Variants in CACNB2 observed in about 807,000 individuals in gnomAD.
CACNB2 encodes the protein voltage-dependent L-type calcium channel subunit beta-2.
CACNB2 carries 42 observed loss-of-function variants against 73.3 expected under a neutral mutation model. That is an observed-to-expected ratio of 0.57 (90% CI 0.45 to 0.74). The LOEUF (loss-of-function observed/expected upper bound fraction) is 0.74, where lower values mean the gene tolerates loss of function less well. Among genes scored for constraint, CACNB2 ranks in the 30% least tolerant of loss-of-function variants. The pLI, the probability that CACNB2 is intolerant of heterozygous loss-of-function variation, is 0.00. For synonymous variants in CACNB2, 348 were observed against 310.3 expected, an observed-to-expected ratio of 1.12 and a Z score of -1.28; for missense variants, 940 against 853.0, an observed-to-expected ratio of 1.10 and a Z score of -1.27.
At chr10:18,430,839 A>G (rs1019131917) in intron 3 of CACNB2, among the ~76,000 whole-genome samples, 1 of 152,204 alleles carries the variant, frequency 6.6e-6, no homozygotes, top group African/African-American at 2.4e-5. Flanking sequence ...CTATTTATTC[A>G]CATGGAAACC....
At chr10:18,526,307 T>A (rs573636678) in intron 9 of CACNB2, among the ~76,000 whole-genome samples, 7 of 152,320 alleles carry the variant, frequency 4.6e-5, no homozygotes, top group African/African-American at 1.4e-4. Flanking sequence ...AGACTCAACA[T>A]TCAGAATCCT....
At chr10:18,260,920 A>G (rs933305026) in intron 2 of CACNB2, 2 of 1,159,162 alleles carry the variant, frequency 1.7e-6, no homozygotes, top group African/African-American at 3.1e-5. Flanking sequence ...AGCGTCACCA[A>G]GAAACTCTGA....
At chr10:18,356,580 A>G (rs2041916161) in intron 2 of CACNB2, among the ~76,000 whole-genome samples, 1 of 152,006 alleles carries the variant, frequency 6.6e-6, no homozygotes, top group African/African-American at 2.4e-5. Flanking sequence ...TATAAATGTA[A>G]TTATTTGACC....
At chr10:18,209,734 C>A (rs749231061) in intron 2 of CACNB2, among the ~76,000 whole-genome samples, 4 of 151,916 alleles carry the variant, frequency 2.6e-5, no homozygotes, top group Admixed American at 6.6e-5. Context: ...ATAATATGGT[C>A]TTTTTTGACT....
chr10:18,235,905 G>C (rs368239616), intron 2 of CACNB2, among the ~76,000 whole-genome samples: 1 of 152,156 alleles, frequency 6.6e-6, no homozygotes, highest in Non-Finnish European at 1.5e-5. Context: ...CCCCCTTGCT[G>C]TTCTCATGAT....
chr10:18,418,921 A>G (rs2045160708), intron 3 of CACNB2, among the ~76,000 whole-genome samples: 1 of 152,134 alleles, frequency 6.6e-6, no homozygotes, highest in Non-Finnish European at 1.5e-5. Flanking sequence ...ACAACCAACT[A>G]TCCCTTTGTC....
intron 3 of CACNB2, among the ~76,000 whole-genome samples, chr10:18,495,702 C>T (rs552035120): frequency 1.2e-4 from 18 of 151,964 alleles, no homozygotes; most frequent in African/African-American, 3.9e-4. Flanking sequence ...GCATGAGCCA[C>T]GGCACCTGGC....
chr10:18,179,454 G>T (rs1365084606), intron 2 of CACNB2, among the ~76,000 whole-genome samples: 2 of 152,124 alleles, frequency 1.3e-5, no homozygotes, highest in African/African-American at 4.8e-5. Flanking sequence ...TAACTTACCT[G>T]GTCATTGCTG....
chr10:18,311,759 A>G (rs1308004542), intron 2 of CACNB2, among the ~76,000 whole-genome samples: 1 of 152,220 alleles, frequency 6.6e-6, no homozygotes, highest in Non-Finnish European at 1.5e-5. Flanking sequence ...AAATCTTCAT[A>G]CATAAGTGGA....
chr10:18,404,883 A>G (rs1385686770), intron 3 of CACNB2, among the ~76,000 whole-genome samples: 2 of 152,312 alleles, frequency 1.3e-5, no homozygotes, highest in African/African-American at 4.8e-5. Context: ...TTAACCACTA[A>G]ACTGCAGTGA....
intron 2 of CACNB2, among the ~76,000 whole-genome samples, chr10:18,278,818 C>T (rs2038411320): frequency 6.6e-6 from 1 of 151,998 alleles, no homozygotes; most frequent in South Asian, 2.1e-4. Context: ...GAGTTCGAGA[C>T]CAGCCTGGGG....
intron 3 of CACNB2, among the ~76,000 whole-genome samples, chr10:18,442,764 G>T (rs1365623127): frequency 6.6e-6 from 1 of 150,580 alleles, no homozygotes; most frequent in Non-Finnish European, 1.5e-5. Flanking sequence ...ATCGGAGGTT[G>T]CAGTGAGCCG....
intron 10 of CACNB2, 32 bp from the exon 11 acceptor site, chr10:18,534,044 G>A (rs2053318855): frequency 6.2e-7 from 1 of 1,611,792 alleles, no homozygotes; most frequent in African/African-American, 1.3e-5. Context: ...TAAAAATACT[G>A]CACTTTAACT....
At chr10:18,276,144 T>A (rs2038277663) in intron 2 of CACNB2, among the ~76,000 whole-genome samples, 1 of 152,194 alleles carries the variant, frequency 6.6e-6, no homozygotes, top group Admixed American at 6.5e-5. Context: ...TATAAAAGAT[T>A]AGAACTGTTA....
chr10:18,225,604 T>C (rs913557419), intron 2 of CACNB2, among the ~76,000 whole-genome samples: 1 of 127,528 alleles, frequency 7.8e-6, no homozygotes, highest in East Asian at 2.6e-4. Flanking sequence ...TTCCTTCCTT[T>C]CTTCCGTCGT....
intron 2 of CACNB2, among the ~76,000 whole-genome samples, chr10:18,239,205 T>C (rs1440979563): frequency 6.6e-6 from 1 of 152,190 alleles, no homozygotes; most frequent in East Asian, 1.9e-4. Flanking sequence ...AAGTACAGTT[T>C]TGTTACACGG....
intron 2 of CACNB2, among the ~76,000 whole-genome samples, chr10:18,204,117 CT>C (rs1345706813): frequency 6.6e-6 from 1 of 152,186 alleles, no homozygotes; most frequent in Admixed American, 6.5e-5. Flanking sequence ...CTACTGCAGA[CT>C]TTTAAAGTGT....
At chr10:18,250,763 A>G (rs1050518932) in intron 2 of CACNB2, among the ~76,000 whole-genome samples, 5 of 152,146 alleles carry the variant, frequency 3.3e-5, no homozygotes, top group Non-Finnish European at 5.9e-5. Context: ...CCCCATCTCT[A>G]CTTTCTTAAG....
chr10:18,396,042 T>C (rs1045568646), intron 2 of CACNB2, among the ~76,000 whole-genome samples: 1 of 152,158 alleles, frequency 6.6e-6, no homozygotes, highest in African/African-American at 2.4e-5. Context: ...CTGCAGCCTC[T>C]GCCTCCTAGG....
Sources: allele counts gnomAD v4.1 joint callset (sites outside exome capture counted in the v4.1 genomes callset), GRCh38; gene constraint gnomAD v4.1.1; transcripts MANE v1.5; gene names NCBI Gene and HGNC (gene_info 2026-07-23, HGNC 2026-07-21).